HSP90AB1: variants seen among roughly 807,000 people sequenced by gnomAD.
HSP90AB1 encodes heat shock protein 90 alpha family class B member 1.
A neutral mutation model predicts 67.8 loss-of-function variants in HSP90AB1; 17 were observed. The observed-to-expected ratio is 0.25, with a 90% confidence interval of 0.17 to 0.38. The LOEUF is 0.38. Ranked by LOEUF, HSP90AB1 falls within the 10% of genes least tolerant of loss-of-function variation. The pLI is 1.00. For missense variants in HSP90AB1, 690 were observed against 899.9 expected (o/e 0.77, Z 2.98); for synonymous variants, 390 against 312.9 (o/e 1.25, Z -2.60).
upstream of HSP90AB1, chr6:44,246,463 A>C (rs1386062585): frequency 6.5e-6 from 1 of 153,104 alleles, no homozygotes; most frequent in Non-Finnish European, 1.5e-5. Flanking sequence ...ACTGCTGGAA[A>C]TGCCGCAGTG....
rs200776165 is a variant in HSP90AB1, at chr6:44,250,575, C to G, written c.933C>G (p.Asp311Glu). The change falls in exon 6 of 12, where the codon GAC becomes GAG. Residue 311 changes from aspartate to glutamate, a missense_variant. Around this residue, in one of 7 missense-constraint regions of HSP90AB1, gnomAD observed 101 missense variants for 174.8 expected, o/e 0.58. Transcript: ENST00000371646. ...YGEFYKSLTN[D>E]WEDHLAVKHF... ...AATTCTACAAGAGCCTCACTAATGACTGGGAAGACCACTTGGCAGTCAAGG... is the reference window on the plus strand; with the variant it reads ...AATTCTACAAGAGCCTCACTAATGAGTGGGAAGACCACTTGGCAGTCAAGG... 6.2e-7 allele frequency: 1 copy of G among 1,608,764 alleles called. No individual in the cohort carries two copies. The highest frequency in any genetic ancestry group is 1.3e-5 in the African/African-American group (1 of 74,768).
chr6:44,248,846 G>A (rs965469824), intron 2 of HSP90AB1, 70 bp downstream of exon 2: 1 of 1,453,824 alleles, frequency 6.9e-7, no homozygotes, highest in South Asian at 1.2e-5. Context: ...GGAAAGGAGT[G>A]GTTTGGCCTT....
In HSP90AB1 at chr6:44,247,191, T is replaced by C. The variant is rs1473971512; in HGVS notation, c.-5T>C. 6.6e-6 allele frequency: 1 copy of C among 152,270 alleles called. No homozygotes were observed. The highest frequency in any genetic ancestry group is 1.5e-5 in the Non-Finnish European group (1 of 68,064). The allele number at this position is 152,270 out of a possible 1,614,324, so 9.4% of individuals were successfully genotyped here. ...ACTATTACGTATAATCCTTTTCTTT[T>C]CAAGGTAAGGCTGAGATCTCCGCTA... On this transcript the variant is annotated 5_prime_UTR_variant, in exon 1 of 12. Transcript: ENST00000371646.
In HSP90AB1 at chr6:44,250,477, C is replaced by G. The variant is rs1466011538; in HGVS notation, c.835C>G (p.Gln279Glu). 1 of 1,613,526 alleles carries G rather than the reference C, an allele frequency of 6.2e-7. No individual in the cohort carries two copies. Among genetic ancestry groups the G allele is most frequent in the Non-Finnish European group, 8.5e-7 (1 of 1,179,554 alleles). ...GAAGATCAAAGAGAAATACATTGATCAGGAAGAACTAAACAAGACCAAGCC... is the reference window on the plus strand; with the variant it reads ...GAAGATCAAAGAGAAATACATTGATGAGGAAGAACTAAACAAGACCAAGCC... ...TKKIKEKYID[Q>E]EELNKTKPIW... The change falls in exon 6 of 12, where the codon CAG becomes GAG. Residue 279 changes from glutamine (Q) to glutamate (E), a missense_variant. Around this residue, in one of 7 missense-constraint regions of HSP90AB1, gnomAD observed 101 missense variants for 174.8 expected, o/e 0.58. Coordinates refer to ENST00000371646, the MANE Select transcript of HSP90AB1 (RefSeq NM_007355.4).
At chr6:44,247,509 C>T (rs907553458) in intron 1 of HSP90AB1, among the ~76,000 whole-genome samples, 7 of 152,178 alleles carry the variant, frequency 4.6e-5, no homozygotes, top group Non-Finnish European at 8.8e-5. Flanking sequence ...GCCATTTTTG[C>T]CCCTCCACTT....
chr6:44,250,401 G>T lies in HSP90AB1; in HGVS notation c.759G>T (p.Val253=). 6.2e-7 allele frequency: 1 copy of T among 1,613,654 alleles called. No individual in the cohort carries two copies. The highest frequency in any genetic ancestry group is 2.2e-5 in the East Asian group (1 of 44,882). ...DDEEKPKIED[V]GSDEEDDSGK... ...AAGAAAAACCCAAGATCGAAGATGTGGGTTCAGATGAGGAGGATGACAGCG... is the reference window on the plus strand; with the variant it reads ...AAGAAAAACCCAAGATCGAAGATGTTGGTTCAGATGAGGAGGATGACAGCG... Residue 253 remains valine, a synonymous_variant, in exon 6 of 12, where the codon GTG becomes GTT. Coordinates refer to ENST00000371646, the MANE Select transcript of HSP90AB1 (RefSeq NM_007355.4).
intron 6 of HSP90AB1, among the ~76,000 whole-genome samples, 190 bp from the exon 7 acceptor site, chr6:44,250,857 GT>G (rs959268856): frequency 1.7e-4 from 26 of 152,218 alleles, no homozygotes; most frequent in African/African-American, 5.8e-4. Context: ...AGAGGGGACT[GT>G]TTTCTACATA....
rs1780279556 is a variant in HSP90AB1 at position 44,248,730 on chromosome 6, C to A, written c.101C>A (p.Ser34Tyr). 2 of 1,613,948 alleles carry A rather than the reference C, an allele frequency of 1.2e-6. No individual in the cohort carries two copies. The highest frequency in any genetic ancestry group is 2.7e-5 in the African/African-American group (2 of 75,044). ...LMSLIINTFY[S>Y]NKEIFLRELI... Reference sequence around the variant, plus strand: ...TCCCTCATCATCAATACCTTCTATTCCAACAAGGAGATTTTCCTTCGGGAG... The same window carrying A: ...TCCCTCATCATCAATACCTTCTATTACAACAAGGAGATTTTCCTTCGGGAG... The change falls in exon 2 of 12, where the codon TCC becomes TAC. Residue 34 changes from serine to tyrosine, a missense_variant. Physicochemically the swap from Ser to Tyr is moderately radical, Grantham distance 144. Coordinates refer to ENST00000371646, the MANE Select transcript of HSP90AB1 (RefSeq NM_007355.4).
chr6:44,253,681 C>A lies in HSP90AB1; in HGVS notation c.*83C>A. On this transcript the variant is annotated 3_prime_UTR_variant, in exon 12 of 12. Transcript: ENST00000371646. ...ACTGCAGCCTCGAGTGCCCCTGTCCCACCTGGCTCCCCCTGCTGGTGTCTA... is the reference window on the plus strand; with the variant it reads ...ACTGCAGCCTCGAGTGCCCCTGTCCAACCTGGCTCCCCCTGCTGGTGTCTA... The A allele has an allele frequency of 1.0e-6, 1 of 986,458 alleles. No homozygotes were observed. Among genetic ancestry groups the A allele is most frequent in the Non-Finnish European group, 1.6e-6 (1 of 606,476 alleles). 61.1% of individuals were successfully genotyped at this position (986,458 alleles called of 1,614,324 possible).
chr6:44,250,566 C>T lies in HSP90AB1; in HGVS notation c.924C>T (p.Leu308=). 8 of 1,612,684 alleles carry T rather than the reference C, an allele frequency of 5.0e-6. No individual in the cohort carries two copies. Among genetic ancestry groups the T allele is most frequent in the Admixed American group, 1.7e-5 (1 of 59,858 alleles). ...AGTATGGAGAATTCTACAAGAGCCT[C>T]ACTAATGACTGGGAAGACCACTTGG... is the stretch of plus-strand genomic sequence containing the variant. ...QEEYGEFYKS[L]TNDWEDHLAV... Residue 308 remains leucine (L), a synonymous_variant, in exon 6 of 12, where the codon CTC becomes CTT. Transcript: ENST00000371646.
At chr6:44,253,002 C>A in intron 10 of HSP90AB1, 43 bp from the exon 11 acceptor site, 2 of 1,522,310 alleles carry the variant, frequency 1.3e-6, no homozygotes, top group South Asian at 1.1e-5. Flanking sequence ...TTTTCTCTTT[C>A]AAAGTGGTAA....
Position 44,253,630 on chromosome 6 carries a change from C to CTTGT in HSP90AB1, c.*33_*36dup, listed in dbSNP as rs1561903271. 4.5e-6 allele frequency: 7 copies of CTTGT among 1,544,168 alleles called. No homozygotes were observed. On this transcript the variant is annotated 3_prime_UTR_variant, in exon 12 of 12. Transcript: ENST00000371646. ...AGTTCATAGTTGGAAAACTTGTGCCCTTGTATAGTGTCCCCATGGGCTCCC... is the reference window on the plus strand; with the variant it reads ...AGTTCATAGTTGGAAAACTTGTGCCCTTGTTTGTATAGTGTCCCCATGGGCTCCC...
chr6:44,253,772 C>G lies in HSP90AB1; in HGVS notation c.*174C>G, dbSNP rs756933331. ...AACTAAGGGTGTCAAGCCCCATTCC[C>G]TCTCTACTCTTGACAGCAGGATTGG... On this transcript the variant is annotated 3_prime_UTR_variant, in exon 12 of 12. Transcript: ENST00000371646. The G allele has an allele frequency of 1.3e-6, 1 of 777,894 alleles. No homozygotes were observed. The highest frequency in any genetic ancestry group is 1.7e-5 in the African/African-American group (1 of 59,250). 48.2% of individuals were successfully genotyped at this position (777,894 alleles called of 1,614,324 possible). A position where few individuals can be genotyped will look rare whatever the true frequency, so the allele number is the denominator to read the frequency against.
chr6:44,248,599 T>A (rs533279811), intron 1 of HSP90AB1, 31 bp from the exon 2 acceptor site: 19 of 1,595,408 alleles, frequency 1.2e-5, no homozygotes, highest in African/African-American at 1.4e-5. Context: ...GCCTTAGTGT[T>A]CTTTTGTAAT....
At chr6:44,251,273 G>A in intron 7 of HSP90AB1, 60 bp downstream of exon 7, 2 of 1,585,072 alleles carry the variant, frequency 1.3e-6, no homozygotes, top group Non-Finnish European at 1.7e-6. Context: ...TAGGCATTCT[G>A]CTAGGATATT....
At chr6:44,250,242 C>T in intron 5 of HSP90AB1, 49 bp from the exon 6 acceptor site, 2 of 1,610,428 alleles carry the variant, frequency 1.2e-6, no homozygotes, top group South Asian at 1.1e-5. Flanking sequence ...TTTTGCTTTC[C>T]CTGGTAGTGT....
rs200999759 is a variant in HSP90AB1, at chr6:44,250,127, G to A, written c.621G>A (p.Gln207=). ...AAGAAGTAGTGAAGAAGCATTCTCAGTTCATAGGCTATCCCATCACCCTTT... is the reference window on the plus strand; with the variant it reads ...AAGAAGTAGTGAAGAAGCATTCTCAATTCATAGGCTATCCCATCACCCTTT... ...RVKEVVKKHS[Q]FIGYPITLYL... The change falls in exon 5 of 12, where the codon CAG becomes CAA. Residue 207 remains glutamine (Q), a synonymous_variant. Transcript: ENST00000371646. 9.4e-5 allele frequency: 151 copies of A among 1,614,150 alleles called. No homozygotes were observed. Among genetic ancestry groups the A allele is most frequent in the Admixed American group, 4.5e-4 (27 of 60,016 alleles).
In HSP90AB1 at chr6:44,251,222, C is replaced by G; in HGVS notation, c.1123+9C>G. 1 of 1,613,732 alleles carries G rather than the reference C, an allele frequency of 6.2e-7. No individual in the cohort carries two copies. The highest frequency in any genetic ancestry group is 8.5e-7 in the Non-Finnish European group (1 of 1,179,636). On this transcript the variant is annotated intron_variant, in intron 7 of 11. Coordinates refer to ENST00000371646, the MANE Select transcript of HSP90AB1 (RefSeq NM_007355.4). The stretch of plus-strand genomic sequence containing the variant: ...GATACCAGAGTATCTCAGTGAGTAT[C>G]TCCTTGGCCTAATTTAGTTGGGTGA...
rs199686018 is a variant in HSP90AB1, at chr6:44,252,223, C to T, written c.1687C>T (p.Leu563Phe). The T allele has an allele frequency of 6.2e-7, 1 of 1,614,092 alleles. No individual in the cohort carries two copies. Among genetic ancestry groups the T allele is most frequent in the Non-Finnish European group, 8.5e-7 (1 of 1,180,008 alleles). Residue 563 changes from leucine to phenylalanine, a missense_variant, in exon 10 of 12, where the codon CTC becomes TTC. Physicochemically the swap from Leu to Phe is conservative, Grantham distance 22 (BLOSUM62 0). This residue lies in a region of HSP90AB1 where 206 missense variants were observed against 221.4 expected (regional missense o/e 0.93). Coordinates refer to ENST00000371646, the MANE Select transcript of HSP90AB1 (RefSeq NM_007355.4). ...MEESKAKFEN[L>F]CKLMKEILDK... ...AGAGAGCAAGGCAAAGTTTGAGAAC[C>T]TCTGCAAGCTCATGAAAGAAATCTT...
Sources: gnomAD v4.1 joint callset for allele counts (sites outside exome capture counted in the v4.1 genomes callset) on GRCh38, gnomAD v4.1.1 for gene constraint, gnomAD v4.1.1 regional missense constraint, MANE v1.5 for transcripts, NCBI Gene and HGNC (gene_info 2026-07-23, HGNC 2026-07-21) for gene names.